FAT3: variants seen among roughly 807,000 people sequenced by gnomAD.
The protein encoded by FAT3 is FAT atypical cadherin 3.
Under a neutral mutation model 310.2 loss-of-function variants are expected in FAT3, and 95 were observed. The observed-to-expected ratio is 0.31, with a 90% CI of 0.26 to 0.36. The LOEUF is 0.36. FAT3 is among the 10% of genes least tolerant of loss of function. FAT3 has a pLI of 1.00. For missense variants in FAT3, 5,408 were observed against 5,715.6 expected (o/e 0.95, Z 1.74); for synonymous variants, 2,314 against 2,192.9 (o/e 1.06, Z -1.54).
chr11:92,658,564 G>A (rs1401466008), intron 3 of FAT3, among the ~76,000 whole-genome samples: 15 of 152,166 alleles, frequency 9.9e-5, no homozygotes, highest in Admixed American at 9.8e-4. Context: ...CTTGCTCTGA[G>A]TTCATCCAGT....
chr11:92,497,700 G>T (rs543747170), intron 2 of FAT3, among the ~76,000 whole-genome samples: 12 of 152,132 alleles, frequency 7.9e-5, no homozygotes, highest in African/African-American at 2.9e-4. Flanking sequence ...ATAGGACAAG[G>T]ATACTATATG....
At chr11:92,539,655 C>T (rs1400119130) in intron 3 of FAT3, among the ~76,000 whole-genome samples, 1 of 152,088 alleles carries the variant, frequency 6.6e-6, no homozygotes, top group Admixed American at 6.6e-5. Flanking sequence ...AATTTTTGGA[C>T]TTGTTATTTA....
In FAT3 at chr11:92,797,841, A is replaced by T. The variant is rs1476944687; in HGVS notation, c.4828A>T (p.Thr1610Ser). ...ELIYTIEAGN[T>S]GNMFKIEPVL... ...CATTGATTTCTGTATTTTAGGGAAC[A>T]CTGGGAACATGTTTAAGATCGAACC... Residue 1610 changes from threonine to serine, a missense_variant, in exon 10 of 28, where the codon ACT becomes TCT. Thr to Ser is a moderately conservative substitution (Grantham distance 58). Around this residue, in one of 5 missense-constraint regions of FAT3, gnomAD observed 4,588 missense variants for 4,809.8 expected, o/e 0.95. Coordinates refer to ENST00000525166, the MANE Select transcript of FAT3 (RefSeq NM_001367949.2). 6.2e-7 allele frequency: 1 copy of T among 1,607,652 alleles called. No individual in the cohort carries two copies. The highest frequency in any genetic ancestry group is 8.5e-7 in the Non-Finnish European group (1 of 1,175,182).
At chr11:92,555,118 T>A (rs1954972726) in intron 3 of FAT3, among the ~76,000 whole-genome samples, 1 of 152,188 alleles carries the variant, frequency 6.6e-6, no homozygotes, top group African/African-American at 2.4e-5. Flanking sequence ...TCCCATTATA[T>A]CTAGGACTAG....
chr11:92,806,249 A>T, intron 11 of FAT3, 113 bp from the exon 12 acceptor site: 1 of 996,118 alleles, frequency 1.0e-6, no homozygotes, highest in Non-Finnish European at 1.5e-6. Flanking sequence ...GAAAAAAATA[A>T]CAAAAGCTAA....
chr11:92,261,954 C>G (rs1386975225), intron 1 of FAT3, among the ~76,000 whole-genome samples: 1 of 151,474 alleles, frequency 6.6e-6, no homozygotes, highest in Non-Finnish European at 1.5e-5. Context: ...TTTCTTATTT[C>G]TATGTTGTTT....
chr11:92,721,284 G>T (rs1051035066), intron 4 of FAT3, among the ~76,000 whole-genome samples: 2 of 152,186 alleles, frequency 1.3e-5, no homozygotes, highest in Non-Finnish European at 2.9e-5. Context: ...AAAAAATGAA[G>T]TGAAAATCTG....
At chr11:92,413,170 T>G (rs1393957116) in intron 2 of FAT3, among the ~76,000 whole-genome samples, 2 of 152,188 alleles carry the variant, frequency 1.3e-5, no homozygotes, top group African/African-American at 4.8e-5. Context: ...ATATGTCATA[T>G]GGATGAAATC....
intron 1 of FAT3, among the ~76,000 whole-genome samples, chr11:92,308,503 A>G (rs1480914756): frequency 6.6e-6 from 1 of 152,184 alleles, no homozygotes; most frequent in African/African-American, 2.4e-5. Flanking sequence ...TTTAAGGAAG[A>G]CTTACTATGA....
chr11:92,618,577 C>G (rs1565461693), intron 3 of FAT3, among the ~76,000 whole-genome samples: 2 of 152,338 alleles, frequency 1.3e-5, no homozygotes, highest in Non-Finnish European at 2.9e-5. Flanking sequence ...GAGCTGTAGA[C>G]TGGAGCTGTT....
chr11:92,474,156 C>G (rs1275948347), intron 2 of FAT3, among the ~76,000 whole-genome samples: 1 of 152,186 alleles, frequency 6.6e-6, no homozygotes, highest in Non-Finnish European at 1.5e-5. Context: ...GAGGCTCACT[C>G]CTCTGGTGGT....
At chr11:92,501,478 T>C (rs532759610) in intron 2 of FAT3, among the ~76,000 whole-genome samples, 3 of 152,194 alleles carry the variant, frequency 2.0e-5, no homozygotes, top group East Asian at 1.9e-4. Flanking sequence ...TGTCTATTAA[T>C]AGCAATACAG....
intron 2 of FAT3, among the ~76,000 whole-genome samples, chr11:92,518,998 T>C (rs632099): frequency 0.63 from 95,039 of 151,924 alleles, 30,518 homozygotes; most frequent in African/African-American, 0.78. Flanking sequence ...TAAATCTAAT[T>C]CCAATCAAAA....
At chr11:92,469,739 A>G (rs1951861027) in intron 2 of FAT3, among the ~76,000 whole-genome samples, 1 of 151,296 alleles carries the variant, frequency 6.6e-6, no homozygotes, top group Non-Finnish European at 1.5e-5. Flanking sequence ...CTGGTCTCAA[A>G]CTCCTGACCT....
chr11:92,302,915 G>A (rs1275461021), intron 1 of FAT3, among the ~76,000 whole-genome samples: 2 of 152,088 alleles, frequency 1.3e-5, no homozygotes, highest in African/African-American at 4.8e-5. Context: ...TTCAGGCTTT[G>A]TCATCTTCTA....
intron 3 of FAT3, among the ~76,000 whole-genome samples, chr11:92,598,908 C>G (rs182066841): frequency 1.3e-5 from 2 of 152,272 alleles, no homozygotes; most frequent in Admixed American, 6.5e-5. Flanking sequence ...AGCACAGATC[C>G]TAGTGCAAAA....
intron 1 of FAT3, among the ~76,000 whole-genome samples, chr11:92,309,404 A>G (rs1044330678): frequency 2.0e-5 from 3 of 150,916 alleles, no homozygotes; most frequent in Non-Finnish European, 4.4e-5. Flanking sequence ...ACACACACAC[A>G]CACACACACA....
chr11:92,716,210 A>C (rs1474983832), intron 4 of FAT3, among the ~76,000 whole-genome samples: 3 of 152,140 alleles, frequency 2.0e-5, no homozygotes, highest in Non-Finnish European at 4.4e-5. Context: ...CAGTGATTGA[A>C]TAGGAAGGAG....
rs551820939 is a variant in FAT3, at chr11:92,704,253, T to C, written c.3669+6808T>C. Among the ~76,000 whole-genome samples the C allele has an allele frequency of 8.6e-4, 131 of 152,282 alleles. 1 individual carries two copies. The highest frequency in any genetic ancestry group is 2.8e-3 in the African/African-American group (118 of 41,564). The stretch of plus-strand genomic sequence containing the variant: ...TCAGCTAATCCTCAGAGCCCGATAC[T>C]CTGGCCTGCCCCATCCACCCAGCTC... On this transcript the variant is annotated intron_variant, in intron 4 of 27. Transcript: ENST00000525166.
Sources: gnomAD v4.1 joint callset for allele counts (sites outside exome capture counted in the v4.1 genomes callset) on GRCh38, gnomAD v4.1.1 for gene constraint, gnomAD v4.1.1 regional missense constraint, MANE v1.5 for transcripts, NCBI Gene and HGNC (gene_info 2026-07-23, HGNC 2026-07-21) for gene names.